SSH1: variants seen among roughly 807,000 people sequenced by gnomAD.
SSH1 encodes protein phosphatase Slingshot homolog 1.
A neutral mutation model predicts 79.7 loss-of-function variants in SSH1; 43 were observed. The observed-to-expected ratio is 0.54, with a 90% CI of 0.42 to 0.70. The LOEUF (loss-of-function observed/expected upper bound fraction) is 0.70. SSH1 is among the 30% of genes least tolerant of loss of function. The probability of loss-of-function intolerance (pLI) is 0.00; values close to 1 mark genes in which losing one functional copy is unlikely to be tolerated. For synonymous variants in SSH1, 599 were observed against 538.3 expected (o/e 1.11, Z -1.56); for missense variants, 1,206 against 1,358.8 (o/e 0.89, Z 1.77).
intron 13 of SSH1, among the ~76,000 whole-genome samples, chr12:108,798,438 A>C (rs1382177766): frequency 6.6e-6 from 1 of 152,226 alleles, no homozygotes; most frequent in African/African-American, 2.4e-5. Context: ...TCTTGGGCTC[A>C]AGCAATACTC....
chr12:108,788,266 T>G lies in SSH1; in HGVS notation c.2872A>C (p.Ile958Leu), dbSNP rs2036348787. The change falls in exon 15 of 15, where the codon ATT becomes CTT. Residue 958 changes from isoleucine to leucine, a missense_variant. Transcript: ENST00000326495. ...CCCGCCAGCCGGAGCCGGGTCTCAA[T>G]CTCCTGTGTCCGCTGCTTCACCAGC... ...PGLVKQRTQE[I>L]ETRLRLAGLT... 1 of 1,613,598 alleles carries G rather than the reference T, an allele frequency of 6.2e-7. No individual in the cohort carries two copies. Among genetic ancestry groups the G allele is most frequent in the African/African-American group, 1.3e-5 (1 of 74,864 alleles).
At chr12:108,837,108 C>T (rs1263099196) in intron 2 of SSH1, 5 of 352,486 alleles carry the variant, frequency 1.4e-5, no homozygotes, top group African/African-American at 8.4e-5. Flanking sequence ...GGAGCATGCC[C>T]GTAATCCCAG....
At chr12:108,841,628 T>C (rs2038779839) in intron 2 of SSH1, among the ~76,000 whole-genome samples, 1 of 151,662 alleles carries the variant, frequency 6.6e-6, no homozygotes, top group Non-Finnish European at 1.5e-5. Context: ...GCCAACATGG[T>C]GAAACCCCGT....
intron 2 of SSH1, among the ~76,000 whole-genome samples, chr12:108,841,770 C>T (rs1354982039): frequency 2.4e-4 from 37 of 151,968 alleles, no homozygotes; most frequent in African/African-American, 1.2e-4. Context: ...GATCGTGCCA[C>T]TGCACTCCAG....
At chr12:108,835,395 C>T (rs1437701877) in intron 2 of SSH1, among the ~76,000 whole-genome samples, 1 of 152,028 alleles carries the variant, frequency 6.6e-6, no homozygotes, top group Non-Finnish European at 1.5e-5. Flanking sequence ...GATTGTGCCA[C>T]AGCACTGCAA....
In SSH1 at chr12:108,851,123, G is replaced by A. The variant is rs137922977; in HGVS notation, c.110+1515C>T. Among the ~76,000 whole-genome samples the A allele has an allele frequency of 6.0e-3, 914 of 152,248 alleles. 6 individuals are homozygous for A. Among genetic ancestry groups the A allele is most frequent in the Non-Finnish European group, 9.3e-3 (630 of 68,018 alleles). ...CAGGGTGATGGAGCAAATGTGTCCTGTATCTTGAGCATAACATTAAAAGTG... is the reference window on the plus strand; with the variant it reads ...CAGGGTGATGGAGCAAATGTGTCCTATATCTTGAGCATAACATTAAAAGTG... On this transcript the variant is annotated intron_variant, in intron 2 of 14. Coordinates refer to ENST00000326495, the MANE Select transcript of SSH1 (RefSeq NM_018984.4).
At chr12:108,796,773 G>A (rs2036770914) in intron 13 of SSH1, among the ~76,000 whole-genome samples, 1 of 150,072 alleles carries the variant, frequency 6.7e-6, no homozygotes, top group Non-Finnish European at 1.5e-5. Flanking sequence ...ACGAAGTTTT[G>A]CTGTTGTTGC....
chr12:108,793,897 T>C (rs913606368), intron 13 of SSH1, among the ~76,000 whole-genome samples: 2 of 152,332 alleles, frequency 1.3e-5, no homozygotes, highest in African/African-American at 2.4e-5. Context: ...CAGCAGCTAC[T>C]CAAGGTCACT....
chr12:108,807,562 C>T lies in SSH1; in HGVS notation c.731+71G>A. The stretch of plus-strand genomic sequence containing the variant: ...GGCCCAATGCAGGTTCAGGGTCGGG[C>T]ACAGGGCAGGTGGGGGAGAGGCAGG... On this transcript the variant is annotated intron_variant, in intron 8 of 14. Transcript: ENST00000326495. The surrounding 1 kb of genome is among the most constrained non-coding windows in gnomAD (Gnocchi z 5.2). 1 of 1,505,454 alleles carries T rather than the reference C, an allele frequency of 6.6e-7. No homozygotes were observed. The highest frequency in any genetic ancestry group is 9.2e-7 in the Non-Finnish European group (1 of 1,087,310). The allele number at this position is 1,505,454 out of a possible 1,614,324, so 93.3% of individuals were successfully genotyped here.
rs141381215 is a variant in SSH1 at position 108,788,244 on chromosome 12, G to A, written c.2894C>T (p.Ala965Val). The A allele has an allele frequency of 1.3e-5, 21 of 1,613,610 alleles. No individual in the cohort carries two copies. The South Asian group carries it at 1.3e-4, about 10-fold the overall frequency. ...TQEIETRLRLAGLTVSSPLKR... is the reference protein window; with the variant it reads ...TQEIETRLRLVGLTVSSPLKR... ...CAGTGGGGAAGAGACGGTGAGGCCCGCCAGCCGGAGCCGGGTCTCAATCTC... is the reference window on the plus strand; with the variant it reads ...CAGTGGGGAAGAGACGGTGAGGCCCACCAGCCGGAGCCGGGTCTCAATCTC... The change falls in exon 15 of 15, where the codon GCG becomes GTG. Residue 965 changes from alanine to valine, a missense_variant. By Grantham distance (64) the Ala-to-Val change is moderately conservative. Transcript: ENST00000326495.
rs1262020254 is a variant in SSH1 at position 108,857,473 on chromosome 12, G to C, written c.24C>G (p.Arg8=). ...AGGAGGCGGCGCTGGGCGTGGGCGA[G>C]CGCTGCAGGGTCACCAGGGCCATGG... MALVTLQ[R]SPTPSAASSS... The change falls in exon 1 of 15, where the codon CGC becomes CGG. Residue 8 remains arginine (R), a synonymous_variant. Transcript: ENST00000326495. The surrounding 1 kb of genome is among the most constrained non-coding windows in gnomAD (Gnocchi z 4.7). 8.8e-7 allele frequency: 1 copy of C among 1,135,678 alleles called. No individual in the cohort carries two copies. The highest frequency in any genetic ancestry group is 1.1e-6 in the Non-Finnish European group (1 of 906,880). The allele number at this position is 1,135,678 out of a possible 1,614,324, so 70.4% of individuals were successfully genotyped here.
At chr12:108,803,086 TATAAAC>T (rs1593037710) in intron 10 of SSH1, among the ~76,000 whole-genome samples, 3 of 152,162 alleles carry the variant, frequency 2.0e-5, no homozygotes, top group Admixed American at 2.0e-4. Context: ...TACAGGACTA[TATAAAC>T]ATAAACAGTA....
intron 14 of SSH1, chr12:108,791,887 A>G: frequency 8.1e-7 from 1 of 1,235,264 alleles, no homozygotes; most frequent in Non-Finnish European, 1.0e-6. Context: ...TAGGGGTGAG[A>G]TGAAAAAGAA....
At chr12:108,844,426 C>A (rs1469952868) in intron 2 of SSH1, among the ~76,000 whole-genome samples, 1 of 152,188 alleles carries the variant, frequency 6.6e-6, no homozygotes, top group Non-Finnish European at 1.5e-5. Context: ...TCAGACTCTG[C>A]AAGGCTCGCT....
chr12:108,825,593 G>A (rs1333768776), intron 2 of SSH1, among the ~76,000 whole-genome samples: 3 of 152,158 alleles, frequency 2.0e-5, no homozygotes, highest in South Asian at 2.1e-4. Context: ...ATTGGTTTTC[G>A]ATATCTTGTG....
rs1215351976 is a variant in SSH1, at chr12:108,782,889, C to T, written c.*5099G>A. The T allele has an allele frequency of 1.3e-5, 2 of 152,140 alleles. No individual in the cohort carries two copies. The highest frequency in any genetic ancestry group is 1.5e-5 in the Non-Finnish European group (1 of 68,044). 9.4% of individuals were successfully genotyped at this position (152,140 alleles called of 1,614,324 possible). A position where few individuals can be genotyped will look rare whatever the true frequency, so the allele number is the denominator to read the frequency against. Reference sequence around the variant, plus strand: ...AAAAAAAATCATCGATATCTTAACGCAATTCACGGGAACCCACTGGCAGCT... The same window carrying T: ...AAAAAAAATCATCGATATCTTAACGTAATTCACGGGAACCCACTGGCAGCT... On this transcript the variant is annotated 3_prime_UTR_variant, in exon 15 of 15. Transcript: ENST00000326495.
intron 12 of SSH1, among the ~76,000 whole-genome samples, 177 bp from the exon 13 acceptor site, chr12:108,799,377 G>A (rs920078621): frequency 5.9e-5 from 9 of 152,172 alleles, no homozygotes; most frequent in African/African-American, 9.7e-5. Flanking sequence ...AGATGTCCAC[G>A]CACTCTCTAA....
At position 108,787,590 on chromosome 12, in the gene SSH1, C is replaced by T. The variant is rs986103175; in HGVS notation, c.*398G>A. ...AATGTTGCCATCCGAGAGTTTTCTG[C>T]GAGGCCAAGAATGAGCTAGAACGTG... On this transcript the variant is annotated 3_prime_UTR_variant, in exon 15 of 15. Coordinates refer to ENST00000326495, the MANE Select transcript of SSH1 (RefSeq NM_018984.4). The T allele has an allele frequency of 3.8e-5, 8 of 211,088 alleles. No individual in the cohort carries two copies. The highest frequency in any genetic ancestry group is 1.6e-4 in the African/African-American group (7 of 43,336). 13.1% of individuals were successfully genotyped at this position (211,088 alleles called of 1,614,324 possible).
chr12:108,788,986 C>G lies in SSH1; in HGVS notation c.2152G>C (p.Ala718Pro). 6.2e-7 allele frequency: 1 copy of G among 1,611,476 alleles called. No homozygotes were observed. Among genetic ancestry groups the G allele is most frequent in the Non-Finnish European group, 8.5e-7 (1 of 1,178,368 alleles). The change falls in exon 15 of 15, where the codon GCA becomes CCA. Residue 718 changes from alanine to proline, a missense_variant. This residue lies in a region of SSH1 where 709 missense variants were observed against 730.6 expected (regional missense o/e 0.97). Coordinates refer to ENST00000326495, the MANE Select transcript of SSH1 (RefSeq NM_018984.4). ...CTGGTGTCTGCCCTCCTGGAGCCTG[C>G]TGGTGGTAGGAACGGGGGAGGTTCG... Reference protein sequence around the residue: ...PTEPPPFLPPAGSRRADTSGP... With the variant: ...PTEPPPFLPPPGSRRADTSGP...
Sources: allele counts gnomAD v4.1 joint callset (sites outside exome capture counted in the v4.1 genomes callset), GRCh38; gene constraint gnomAD v4.1.1; regional missense constraint gnomAD v4.1.1; non-coding constraint Gnocchi (gnomAD v3.1); transcripts MANE v1.5; gene names NCBI Gene and HGNC (gene_info 2026-07-23, HGNC 2026-07-21).